EXOSC10: variants seen among roughly 807,000 people sequenced by gnomAD.
The protein encoded by EXOSC10 is exosome component 10, also known as exosome complex component 10.
In EXOSC10, 94 loss-of-function variants were observed where a neutral mutation model predicts 126.6. The observed-to-expected ratio is 0.74, with a 90% CI of 0.63 to 0.88. The LOEUF (loss-of-function observed/expected upper bound fraction) is 0.88, where lower values mean the gene tolerates loss of function less well. Ranked by LOEUF, EXOSC10 falls within the 40% of genes least tolerant of loss-of-function variation. The pLI, the probability that EXOSC10 is intolerant of heterozygous loss-of-function variation, is 0.00. For missense variants in EXOSC10, 1,041 were observed against 1,100.5 expected, an observed-to-expected ratio of 0.95 and a Z score of 0.77; for synonymous variants, 395 against 400.8, an observed-to-expected ratio of 0.99 and a Z score of 0.17.
chr1:11,090,689 A>G (rs949729317), intron 5 of EXOSC10, 21 bp from the exon 6 acceptor site: 3 of 1,526,438 alleles, frequency 2.0e-6, no homozygotes, highest in African/African-American at 1.4e-5. Context: ...CAGCAGTGAC[A>G]AAAACATCAT....
At chr1:11,098,269 G>T in intron 1 of EXOSC10, 113 bp from the exon 2 acceptor site, 1 of 1,323,204 alleles carries the variant, frequency 7.6e-7, no homozygotes, top group Non-Finnish European at 9.9e-7. Flanking sequence ...ATCAAAAAAA[G>T]CACTCATTTA....
chr1:11,080,985 C>T, intron 11 of EXOSC10, 73 bp from the exon 12 acceptor site: 1 of 1,574,896 alleles, frequency 6.3e-7, no homozygotes. Flanking sequence ...AAATGTTTGG[C>T]TCTTTTCATG....
chr1:11,069,888 C>G (rs189021128), intron 21 of EXOSC10, among the ~76,000 whole-genome samples, 158 bp from the exon 22 acceptor site: 149 of 152,246 alleles, frequency 9.8e-4, no homozygotes, highest in Non-Finnish European at 1.8e-3. Context: ...GGGACCAACA[C>G]TCAGGGTCAG....
chr1:11,077,701 G>A (rs1172588473), intron 14 of EXOSC10, 50 bp from the exon 15 acceptor site: 1 of 1,541,714 alleles, frequency 6.5e-7, no homozygotes, highest in Non-Finnish European at 8.9e-7. Context: ...AGCACCTCAA[G>A]TCCAACCCCC....
At position 11,091,163 on chromosome 1, in the gene EXOSC10, T is replaced by A. The variant is rs1295862160; in HGVS notation, c.494A>T (p.Lys165Ile). ...SWNRKAAEYG[K>I]KAKSETFRLL... ...CCGGAAAGTTTCAGATTTTGCTTTT[T>A]TGCCATATTCTGCTGCCTATGATCA... The change falls in exon 5 of 25, where the codon AAA becomes ATA. Residue 165 changes from lysine (K) to isoleucine (I), a missense_variant. Around this residue, in one of 3 missense-constraint regions of EXOSC10, gnomAD observed 645 missense variants for 656.3 expected, o/e 0.98. Coordinates refer to ENST00000376936, the MANE Select transcript of EXOSC10 (RefSeq NM_001001998.3). 12 of 1,614,104 alleles carry A rather than the reference T, an allele frequency of 7.4e-6. 1 individual carries two copies. The highest frequency in any genetic ancestry group is 5.5e-5 in the South Asian group (5 of 91,056).
intron 17 of EXOSC10, 82 bp from the exon 18 acceptor site, chr1:11,074,408 C>A: frequency 3.0e-6 from 3 of 1,001,816 alleles, no homozygotes; most frequent in Non-Finnish European, 1.5e-6. Flanking sequence ...CAACAGTTAA[C>A]AGTGATTTTT....
At chr1:11,070,116 A>G in intron 21 of EXOSC10, among the ~76,000 whole-genome samples, 1 of 151,968 alleles carries the variant, frequency 6.6e-6, no homozygotes, top group East Asian at 1.9e-4. Context: ...GCGTGCTTGT[A>G]GTCCTAGCTA....
chr1:11,069,586 T>C lies in EXOSC10; in HGVS notation c.2461A>G (p.Ser821Gly), dbSNP rs1368516804. 33 of 1,613,566 alleles carry C rather than the reference T, an allele frequency of 2.0e-5. No homozygotes were observed. The highest frequency in any genetic ancestry group is 2.6e-5 in the Non-Finnish European group (31 of 1,179,976). ...PEKEFTPYDY[S>G]QSDFKAFAGN... ...GCAAAAGCCTTGAAGTCTGACTGGC[T>C]GTAGTCGTAAGGCGTAAACTCTTTT... Residue 821 changes from serine to glycine, a missense_variant, in exon 22 of 25, where the codon AGC (serine) becomes GGC (glycine). Ser to Gly is a moderately conservative substitution (Grantham distance 56, BLOSUM62 0). Transcript: ENST00000376936.
At chr1:11,091,884 T>C (rs1640825890) in intron 3 of EXOSC10, among the ~76,000 whole-genome samples, 1 of 152,070 alleles carries the variant, frequency 6.6e-6, no homozygotes, top group Admixed American at 6.6e-5. Flanking sequence ...GAGATGGGGT[T>C]TCACCCGGTT....
At chr1:11,095,570 C>T (rs966933024) in intron 3 of EXOSC10, 188 bp downstream of exon 3, 10 of 438,866 alleles carry the variant, frequency 2.3e-5, no homozygotes, top group Non-Finnish European at 4.2e-5. Context: ...AAAAATTAGC[C>T]AGGTGTGGTG....
intron 6 of EXOSC10, among the ~76,000 whole-genome samples, chr1:11,088,646 G>A (rs939489440): frequency 6.6e-6 from 1 of 152,098 alleles, no homozygotes; most frequent in African/African-American, 2.4e-5. Context: ...AACTTGTGGT[G>A]TGTTCCTCGA....
intron 23 of EXOSC10, 81 bp from the exon 24 acceptor site, chr1:11,068,165 G>T: frequency 9.0e-7 from 1 of 1,117,040 alleles, no homozygotes; most frequent in Non-Finnish European, 1.4e-6. Context: ...AGCTCAGGTG[G>T]CCAAAGATTC....
chr1:11,070,870 A>C, intron 21 of EXOSC10, 30 bp downstream of exon 21: 1 of 1,599,486 alleles, frequency 6.3e-7, no homozygotes, highest in East Asian at 2.2e-5. Flanking sequence ...ATCGTTTTTC[A>C]AAGGAAAAAG....
intron 14 of EXOSC10, among the ~76,000 whole-genome samples, chr1:11,078,621 A>C (rs1204825505): frequency 6.6e-6 from 1 of 152,156 alleles, no homozygotes; most frequent in Non-Finnish European, 1.5e-5. Flanking sequence ...CATTGTCAGC[A>C]TTTGCTACGA....
chr1:11,088,181 T>C lies in EXOSC10; in HGVS notation c.776A>G (p.Gln259Arg). 2 of 1,612,398 alleles carry C rather than the reference T, an allele frequency of 1.2e-6. No homozygotes were observed. Among genetic ancestry groups the C allele is most frequent in the Non-Finnish European group, 1.7e-6 (2 of 1,179,356 alleles). Residue 259 changes from glutamine (Q) to arginine (R), a missense_variant, in exon 7 of 25, where the codon CAA becomes CGA. By Grantham distance (43) the Gln-to-Arg change is conservative (BLOSUM62 1). Around this residue, in one of 3 missense-constraint regions of EXOSC10, gnomAD observed 645 missense variants for 656.3 expected, o/e 0.98. Coordinates refer to ENST00000376936, the MANE Select transcript of EXOSC10 (RefSeq NM_001001998.3). ...TGGGGTAAAGTGATTTAGTTCATAT[T>C]GATAAGGATGTGCAAACCTGAGTAA... The part of the protein sequence containing the change: ...VEQDMFAHPY[Q>R]YELNHFTPAD...
At chr1:11,098,917 G>T (rs1261001325) in intron 1 of EXOSC10, among the ~76,000 whole-genome samples, 2 of 152,168 alleles carry the variant, frequency 1.3e-5, no homozygotes, top group Admixed American at 6.5e-5. Flanking sequence ...AAAGGAGGTG[G>T]GAAATTAAGT....
At chr1:11,084,268 TCCA>T (rs1229209131) in intron 9 of EXOSC10, among the ~76,000 whole-genome samples, 1 of 152,208 alleles carries the variant, frequency 6.6e-6, no homozygotes, top group African/African-American at 2.4e-5. Context: ...TTCCTATTTC[TCCA>T]CATCTTCTCC....
At chr1:11,069,806 A>G (rs1433255817) in intron 21 of EXOSC10, 76 bp from the exon 22 acceptor site, 4 of 1,507,280 alleles carry the variant, frequency 2.7e-6, no homozygotes, top group Non-Finnish European at 3.6e-6. Context: ...CCTCAGCAAT[A>G]GCTGGGACCC....
chr1:11,074,613 A>G (rs12117898), intron 17 of EXOSC10, among the ~76,000 whole-genome samples: 10,967 of 152,126 alleles, frequency 0.072, 616 homozygotes, highest in East Asian at 0.15. Flanking sequence ...AGGTTTCACC[A>G]TATTGGCCAG....
Sources: allele counts gnomAD v4.1 joint callset (sites outside exome capture counted in the v4.1 genomes callset), GRCh38; gene constraint gnomAD v4.1.1; regional missense constraint gnomAD v4.1.1; transcripts MANE v1.5; gene names NCBI Gene and HGNC (gene_info 2026-07-23, HGNC 2026-07-21).